Variants in OTUD6B observed in about 807,000 individuals in gnomAD.
OTUD6B encodes the protein deubiquitinase OTUD6B.
A neutral mutation model predicts 36.9 loss-of-function variants in OTUD6B; 41 were observed. The ratio of observed to expected loss-of-function variants is 1.11; its 90% CI spans 0.87 to 1.44. The LOEUF is 1.44. OTUD6B is among the 40% of genes most tolerant of loss of function. The pLI, the probability that OTUD6B is intolerant of heterozygous loss-of-function variation, is 0.00. For missense variants in OTUD6B, 356 were observed against 344.8 expected (o/e 1.03, Z -0.26); for synonymous variants, 114 against 114.2 (o/e 1.00, Z 0.01).
intron 5 of OTUD6B, among the ~76,000 whole-genome samples, chr8:91,082,653 A>G (rs1235553374): frequency 1.3e-5 from 2 of 151,914 alleles, no homozygotes; most frequent in Non-Finnish European, 2.9e-5. Flanking sequence ...TCTTTAAAAT[A>G]ACGACAGTAC....
chr8:91,071,231 T>C lies in OTUD6B; in HGVS notation c.176T>C (p.Met59Thr), dbSNP rs778262647. Reference sequence around the variant, plus strand: ...GATGTGGCCAAGTTGGAAAAAGAAATGGAACAGAAACATAGAGAGGAACTG... The same window carrying C: ...GATGTGGCCAAGTTGGAAAAAGAAACGGAACAGAAACATAGAGAGGAACTG... Reference protein sequence around the residue: ...TEDVAKLEKEMEQKHREELEQ... With the variant: ...TEDVAKLEKETEQKHREELEQ... The change falls in exon 2 of 7, where the codon ATG (methionine) becomes ACG (threonine). Residue 59 changes from methionine to threonine, a missense_variant. Transcript: ENST00000404789. 4.3e-6 allele frequency: 7 copies of C among 1,613,776 alleles called. No homozygotes were observed. The East Asian group carries it at 1.6e-4, about 36-fold the overall frequency.
intron 3 of OTUD6B, chr8:91,076,659 C>T: frequency 6.7e-7 from 1 of 1,486,804 alleles, no homozygotes; most frequent in Admixed American, 2.0e-5. Context: ...GCTGTATGGC[C>T]TTTGGAAATC....
intron 2 of OTUD6B, among the ~76,000 whole-genome samples, chr8:91,071,932 A>G (rs901469489): frequency 2.0e-5 from 3 of 152,234 alleles, no homozygotes; most frequent in Admixed American, 6.5e-5. Flanking sequence ...TTCTGAGCTC[A>G]AATTTTCCCA....
intron 4 of OTUD6B, 65 bp from the exon 5 acceptor site, chr8:91,080,604 A>G: frequency 6.5e-7 from 1 of 1,534,906 alleles, no homozygotes; most frequent in South Asian, 1.2e-5. Flanking sequence ...GGGAACTATA[A>G]AAGGGATTTT....
At chr8:91,075,665 A>G (rs4501548) in intron 3 of OTUD6B, among the ~76,000 whole-genome samples, 79,803 of 151,836 alleles carry the variant, frequency 0.53, 21,850 homozygotes, top group South Asian at 0.67. Flanking sequence ...AAAAATGCCC[A>G]AGTAATGTTT....
In OTUD6B at chr8:91,078,443, A is replaced by G. The variant is rs773113346; in HGVS notation, c.403A>G (p.Ser135Gly). ...CTTAACAGGAGCCAGACATATGGAA[A>G]GTGAGAAACTTGCTCAAATATTGGC... ...ENLTGARHME[S>G]EKLAQILAAR... The change falls in exon 4 of 7, where the codon AGT (serine) becomes GGT (glycine). Residue 135 changes from serine (S) to glycine (G), a missense_variant. Physicochemically the swap from Ser to Gly is moderately conservative, Grantham distance 56. Transcript: ENST00000404789. 1.2e-6 allele frequency: 2 copies of G among 1,602,320 alleles called. No homozygotes were observed. The highest frequency in any genetic ancestry group is 1.1e-5 in the South Asian group (1 of 89,068).
At chr8:91,078,891 C>T (rs948306549) in intron 4 of OTUD6B, 4 of 372,742 alleles carry the variant, frequency 1.1e-5, no homozygotes, top group African/African-American at 8.4e-5. Flanking sequence ...TTATAATATG[C>T]TAATCATTTT....
At chr8:91,071,333 C>T in intron 2 of OTUD6B, 44 bp downstream of exon 2, 1 of 1,435,476 alleles carries the variant, frequency 7.0e-7, no homozygotes, top group East Asian at 2.4e-5. Context: ...CATTTGAAAA[C>T]AGCTGTCCAC....
At chr8:91,073,240 G>A (rs1812731938) in intron 2 of OTUD6B, among the ~76,000 whole-genome samples, 1 of 152,058 alleles carries the variant, frequency 6.6e-6, no homozygotes, top group Non-Finnish European at 1.5e-5. Flanking sequence ...TAAAAGTCTA[G>A]CATCTTTTTT....
chr8:91,084,927 C>A lies in OTUD6B; in HGVS notation c.*59C>A. Reference sequence around the variant, plus strand: ...AGTGTGCTGAACTGAGTATTTCTACCAAGTGTTGGGTTGTTCTAAATGCTA... The same window carrying A: ...AGTGTGCTGAACTGAGTATTTCTACAAAGTGTTGGGTTGTTCTAAATGCTA... On this transcript the variant is annotated 3_prime_UTR_variant, in exon 7 of 7. Transcript: ENST00000404789. The A allele has an allele frequency of 2.4e-6, 2 of 833,586 alleles. No individual in the cohort carries two copies. Among genetic ancestry groups the A allele is most frequent in the Non-Finnish European group, 1.8e-6 (1 of 551,662 alleles). 51.6% of individuals were successfully genotyped at this position (833,586 alleles called of 1,614,324 possible). A position where few individuals can be genotyped will look rare whatever the true frequency, so the allele number is the denominator to read the frequency against.
intron 2 of OTUD6B, among the ~76,000 whole-genome samples, chr8:91,072,188 T>G (rs1010660154): frequency 2.6e-5 from 4 of 152,220 alleles, no homozygotes; most frequent in Admixed American, 2.0e-4. Context: ...TATTATCTCA[T>G]TTAACCTCAG....
intron 5 of OTUD6B, 113 bp from the exon 6 acceptor site, chr8:91,083,895 G>C (rs1812955185): frequency 7.6e-7 from 1 of 1,315,210 alleles, no homozygotes; most frequent in South Asian, 1.6e-5. Flanking sequence ...CAGGCTCTCT[G>C]TGTACAGTGG....
At chr8:91,070,689 GC>G (rs1020842648) in intron 1 of OTUD6B, among the ~76,000 whole-genome samples, 1 of 151,854 alleles carries the variant, frequency 6.6e-6, no homozygotes, top group Non-Finnish European at 1.5e-5. Flanking sequence ...CCTACCCCGC[GC>G]CGCCGCCGGG....
rs1011970864 is a variant in OTUD6B at position 91,085,627 on chromosome 8, T to A, written c.*759T>A. The A allele has an allele frequency of 2.0e-5, 3 of 152,078 alleles. No individual in the cohort carries two copies. The highest frequency in any genetic ancestry group is 2.9e-5 in the Non-Finnish European group (2 of 67,972). 9.4% of individuals were successfully genotyped at this position (152,078 alleles called of 1,614,324 possible). A position where few individuals can be genotyped will look rare whatever the true frequency, so the allele number is the denominator to read the frequency against. ...TTAATGCATTTGTTATTCTTTCGTA[T>A]TTTTTAAGCATCGGACTGGAGTTAG... is the stretch of plus-strand genomic sequence containing the variant. On this transcript the variant is annotated 3_prime_UTR_variant, in exon 7 of 7. Coordinates refer to ENST00000404789, the MANE Select transcript of OTUD6B (RefSeq NM_016023.5).
intron 3 of OTUD6B, chr8:91,076,779 A>G (rs1812810500): frequency 1.4e-6 from 1 of 715,558 alleles, no homozygotes; most frequent in Non-Finnish European, 2.5e-6. Context: ...TCTTTTATAA[A>G]GTAATAGTGC....
rs374990224 is a variant in OTUD6B, at chr8:91,080,712, A to T, written c.672A>T (p.Ala224=). Reference sequence around the variant, plus strand: ...GTGAAGATATTGTAAACACAGCTGCATGGGGAGGTCAGCTTGAGGTAAGTT... The same window carrying T: ...GTGAAGATATTGTAAACACAGCTGCTTGGGGAGGTCAGCTTGAGGTAAGTT... ...KYCEDIVNTA[A]WGGQLELRAL... The change falls in exon 5 of 7, where the codon GCA becomes GCT. Residue 224 remains alanine (A), a synonymous_variant. Coordinates refer to ENST00000404789, the MANE Select transcript of OTUD6B (RefSeq NM_016023.5). 1 of 1,603,494 alleles carries T rather than the reference A, an allele frequency of 6.2e-7. No homozygotes were observed. Among genetic ancestry groups the T allele is most frequent in the Admixed American group, 1.7e-5 (1 of 58,760 alleles).
chr8:91,083,879 A>C, intron 5 of OTUD6B, 129 bp from the exon 6 acceptor site: 42 of 1,058,932 alleles, frequency 4.0e-5, no homozygotes, highest in Non-Finnish European at 5.2e-5. Flanking sequence ...AGTGCCCAGT[A>C]TATACCAGGC....
At chr8:91,080,970 G>C (rs1310434758) in intron 5 of OTUD6B, among the ~76,000 whole-genome samples, 2 of 152,118 alleles carry the variant, frequency 1.3e-5, no homozygotes, top group Non-Finnish European at 2.9e-5. Flanking sequence ...TGTTAGATCT[G>C]TGTGTTAGAA....
At chr8:91,078,114 A>C (rs985465724) in intron 3 of OTUD6B, 5 of 337,116 alleles carry the variant, frequency 1.5e-5, no homozygotes, top group Non-Finnish European at 2.1e-5. Context: ...GACTTTAAAG[A>C]AAAATTAGAG....
Sources: allele counts gnomAD v4.1 joint callset (sites outside exome capture counted in the v4.1 genomes callset), GRCh38; gene constraint gnomAD v4.1.1; transcripts MANE v1.5; gene names NCBI Gene and HGNC (gene_info 2026-07-23, HGNC 2026-07-21).